VPS13B: variants seen among roughly 807,000 people sequenced by gnomAD.
VPS13B encodes the protein intermembrane lipid transfer protein VPS13B.
VPS13B carries 285 observed loss-of-function variants against 426.4 expected under a neutral mutation model. The observed-to-expected ratio is 0.67, with a 90% CI of 0.61 to 0.74. The LOEUF is 0.74. VPS13B is among the 30% of genes least tolerant of loss of function. The probability of loss-of-function intolerance (pLI) is 0.00; values close to 1 mark genes in which losing one functional copy is unlikely to be tolerated. For missense variants in VPS13B, 4,537 were observed against 4,782.6 expected (o/e 0.95, Z 1.51); for synonymous variants, 1,676 against 1,676.4 (o/e 1.00, Z 0.01).
chr8:99,046,785 G>T (rs923949356), intron 3 of VPS13B, among the ~76,000 whole-genome samples: 1 of 151,634 alleles, frequency 6.6e-6, no homozygotes, highest in African/African-American at 2.4e-5. Context: ...TGCTTTTTCT[G>T]TGTCTAATTT....
intron 39 of VPS13B, among the ~76,000 whole-genome samples, chr8:99,752,109 A>G (rs1810424695): frequency 6.6e-6 from 1 of 152,140 alleles, no homozygotes; most frequent in African/African-American, 2.4e-5. Flanking sequence ...CAGGAGACTG[A>G]GAGAGGAGGA....
At chr8:99,279,196 G>A (rs577981940) in intron 19 of VPS13B, among the ~76,000 whole-genome samples, 9 of 152,228 alleles carry the variant, frequency 5.9e-5, no homozygotes, top group African/African-American at 1.9e-4. Flanking sequence ...CCAAGATCAC[G>A]TACTGCACTG....
At chr8:99,602,100 T>C (rs1030630316) in intron 33 of VPS13B, among the ~76,000 whole-genome samples, 2 of 152,226 alleles carry the variant, frequency 1.3e-5, no homozygotes, top group Non-Finnish European at 2.9e-5. Context: ...TGGTATTGCC[T>C]AGGTTTTCTT....
At chr8:99,125,596 G>C (rs571282954) in intron 8 of VPS13B, among the ~76,000 whole-genome samples, 1 of 152,262 alleles carries the variant, frequency 6.6e-6, no homozygotes, top group South Asian at 2.1e-4. Context: ...ACAGAAACAG[G>C]AGTAGAATAG....
intron 22 of VPS13B, among the ~76,000 whole-genome samples, chr8:99,438,225 C>T (rs572806716): frequency 6.6e-6 from 1 of 152,092 alleles, no homozygotes; most frequent in African/African-American, 2.4e-5. Flanking sequence ...CAGGGTGTCT[C>T]AAGCAGCATG....
At chr8:99,667,128 C>T (rs1245819510) in intron 35 of VPS13B, among the ~76,000 whole-genome samples, 6 of 152,114 alleles carry the variant, frequency 3.9e-5, no homozygotes, top group African/African-American at 1.4e-4. Flanking sequence ...TTTGAAGCTT[C>T]CCTGGGGAGT....
chr8:99,281,599 G>C (rs1819174565), intron 19 of VPS13B, among the ~76,000 whole-genome samples: 1 of 152,224 alleles, frequency 6.6e-6, no homozygotes, highest in Non-Finnish European at 1.5e-5. Context: ...TGTGAGACTT[G>C]TGGGCAAAGG....
intron 19 of VPS13B, among the ~76,000 whole-genome samples, chr8:99,366,505 G>A (rs1011681705): frequency 1.3e-5 from 2 of 150,254 alleles, no homozygotes; most frequent in African/African-American, 2.4e-5. Context: ...GTAGGCAATA[G>A]ATCATTGGGT....
At chr8:99,621,728 C>T (rs1409000542) in intron 33 of VPS13B, among the ~76,000 whole-genome samples, 3 of 151,706 alleles carry the variant, frequency 2.0e-5, no homozygotes, top group Non-Finnish European at 4.4e-5. Context: ...CCCAAGAAAA[C>T]TTATCAGGAG....
chr8:99,028,980 A>G (rs1202119229), intron 2 of VPS13B, among the ~76,000 whole-genome samples: 1 of 147,686 alleles, frequency 6.8e-6, no homozygotes, highest in East Asian at 2.1e-4. Flanking sequence ...CACTTCTCAG[A>G]CGGGGCGGCT....
At chr8:99,532,487 T>C (rs1296160655) in intron 30 of VPS13B, among the ~76,000 whole-genome samples, 2 of 152,124 alleles carry the variant, frequency 1.3e-5, no homozygotes, top group Non-Finnish European at 2.9e-5. Context: ...CTTTAAAGAA[T>C]TATAAAAGAT....
At chr8:99,062,068 C>T (rs1272399908) in intron 3 of VPS13B, among the ~76,000 whole-genome samples, 1 of 152,150 alleles carries the variant, frequency 6.6e-6, no homozygotes, top group East Asian at 1.9e-4. Context: ...TACTGTTCAG[C>T]CCTCCTGGGA....
At chr8:99,024,212 T>C (rs2132162264) in intron 2 of VPS13B, among the ~76,000 whole-genome samples, 1 of 152,336 alleles carries the variant, frequency 6.6e-6, no homozygotes, top group Non-Finnish European at 1.5e-5. Flanking sequence ...TTTTGAGAAA[T>C]GTCTACTCAG....
intron 2 of VPS13B, among the ~76,000 whole-genome samples, chr8:99,017,010 AT>A (rs1444140619): frequency 6.6e-6 from 1 of 152,098 alleles, no homozygotes; most frequent in African/African-American, 2.4e-5. Context: ...AAAGTTAATA[AT>A]CTTACTGAGG....
Position 99,360,242 on chromosome 8 carries a change from CCTTCCTTCCTTCCT to C in VPS13B, c.2825-23965_2825-23952del, listed in dbSNP as rs1563687421. On this transcript the variant is annotated intron_variant, in intron 19 of 61. Coordinates refer to ENST00000357162, the MANE Select transcript of VPS13B (RefSeq NM_152564.5). ...TCTTTCTTTCTTTCTTTCTCTCTCT[CCTTCCTTCCTTCCT>C]TCCTTCCTTCCTTCCTTCCTTCCTT... Among the ~76,000 whole-genome samples the C allele has an allele frequency of 6.4e-4, 58 of 90,144 alleles. 2 individuals carry two copies. Among genetic ancestry groups the C allele is most frequent in the Middle Eastern group, 5.2e-3 (1 of 194 alleles). The allele number at this position is 90,144 out of a possible 152,430, so 59.1% of individuals were successfully genotyped here.
chr8:99,281,886 A>G (rs1173626917), intron 19 of VPS13B, among the ~76,000 whole-genome samples: 3 of 152,172 alleles, frequency 2.0e-5, no homozygotes, highest in Non-Finnish European at 2.9e-5. Flanking sequence ...TGAATGATCT[A>G]ATCAATACAT....
intron 17 of VPS13B, among the ~76,000 whole-genome samples, chr8:99,237,820 C>CA (rs1334348310): frequency 6.8e-6 from 1 of 147,968 alleles, no homozygotes; most frequent in Non-Finnish European, 1.5e-5. Flanking sequence ...AAAATTCATA[C>CA]AAAAAAAAGA....
rs35342235 is a variant in VPS13B at position 99,442,603 on chromosome 8, C to T, written c.3413C>T (p.Pro1138Leu). The change falls in exon 23 of 62, where the codon CCA (proline) becomes CTA (leucine). Residue 1138 changes from proline to leucine, a missense_variant. Pro to Leu is a moderately conservative substitution (Grantham distance 98). Around this residue, in one of 2 missense-constraint regions of VPS13B, gnomAD observed 4,311 missense variants for 4,474.3 expected, o/e 0.96. Coordinates refer to ENST00000357162, the MANE Select transcript of VPS13B (RefSeq NM_152564.5). ...HKYMEPLQEI[P>L]FVIPRPILEE... is the part of the protein sequence containing the mutation. Reference sequence around the variant, plus strand: ...TATATGGAACCTCTGCAGGAGATTCCATTTGTTATCCCACGACCCATCCTT... The same window carrying T: ...TATATGGAACCTCTGCAGGAGATTCTATTTGTTATCCCACGACCCATCCTT... The T allele has an allele frequency of 1.3e-3, 2,027 of 1,613,874 alleles. 22 individuals are homozygous for T. The African/African-American group carries it at 0.025, about 20-fold the overall frequency.
In VPS13B at chr8:99,692,697, G is replaced by A. The variant is rs1831737579; in HGVS notation, c.6047-6828G>A. On this transcript the variant is annotated intron_variant, in intron 35 of 61. Coordinates refer to ENST00000357162, the MANE Select transcript of VPS13B (RefSeq NM_152564.5). ...AAGGCAAGAAATAACTAAAATCAGA[G>A]CAGAACTGAAGGAAATAGAGAAACA... 2.2e-5 allele frequency among the ~76,000 whole-genome samples: 3 copies of A among 136,466 alleles called. No individual in the cohort carries two copies. The Admixed American group carries it at 2.4e-4, about 11-fold the overall frequency. The allele number at this position is 136,466 out of a possible 152,430, so 89.5% of individuals were successfully genotyped here. A position where few individuals can be genotyped will look rare whatever the true frequency, so the allele number is the denominator to read the frequency against.
Sources: allele counts gnomAD v4.1 joint callset (sites outside exome capture counted in the v4.1 genomes callset), GRCh38; gene constraint gnomAD v4.1.1; regional missense constraint gnomAD v4.1.1; transcripts MANE v1.5; gene names NCBI Gene and HGNC (gene_info 2026-07-23, HGNC 2026-07-21).